MKLN1: variants seen among roughly 807,000 people sequenced by gnomAD.
MKLN1 encodes muskelin.
In MKLN1, 18 loss-of-function variants were observed where a neutral mutation model predicts 99.0. That is an observed-to-expected ratio of 0.18 (90% CI 0.13 to 0.27). The LOEUF (loss-of-function observed/expected upper bound fraction) is 0.27, where lower values mean the gene tolerates loss of function less well. MKLN1 is among the 10% of genes least tolerant of loss of function. MKLN1 has a pLI of 1.00. For synonymous variants in MKLN1, 288 were observed against 293.2 expected (o/e 0.98, Z 0.18); for missense variants, 621 against 875.9 (o/e 0.71, Z 3.67).
chr7:131,178,580 C>T (rs1374790236), intron 2 of MKLN1, among the ~76,000 whole-genome samples: 1 of 152,208 alleles, frequency 6.6e-6, no homozygotes. Context: ...ATCTTTGCCA[C>T]AGTCTGTTCA....
Position 131,388,990 on chromosome 7 carries a change from T to C in MKLN1, c.400+18T>C. The C allele has an allele frequency of 1.9e-6, 3 of 1,540,350 alleles. No homozygotes were observed. The highest frequency in any genetic ancestry group is 2.7e-6 in the Non-Finnish European group (3 of 1,121,888). The stretch of plus-strand genomic sequence containing the variant: ...TAAAATAGGTAAGATTTTAGCATTC[T>C]GAAATAGAAACAAATTCTTGATATC... On this transcript the variant is annotated intron_variant, in intron 4 of 17. Coordinates refer to ENST00000352689, the MANE Select transcript of MKLN1 (RefSeq NM_013255.5).
intron 12 of MKLN1, among the ~76,000 whole-genome samples, chr7:131,457,154 G>A (rs1204786486): frequency 6.6e-6 from 1 of 151,966 alleles, no homozygotes; most frequent in Non-Finnish European, 1.5e-5. Flanking sequence ...GCACGTGCCT[G>A]TAGTCCCAGC....
At chr7:131,248,291 T>G (rs1584866358) in intron 3 of MKLN1, among the ~76,000 whole-genome samples, 1 of 134,516 alleles carries the variant, frequency 7.4e-6, no homozygotes, top group South Asian at 3.0e-4. Context: ...TTGGTATTTG[T>G]TTTTTAATAG....
At chr7:131,346,717 C>T (rs1464161333) in intron 1 of MKLN1, among the ~76,000 whole-genome samples, 2 of 152,168 alleles carry the variant, frequency 1.3e-5, no homozygotes, top group African/African-American at 2.4e-5. Context: ...TTTCGAATTA[C>T]TTGTGAATCT....
At chr7:131,342,285 G>A (rs754521661) in intron 1 of MKLN1, among the ~76,000 whole-genome samples, 1 of 152,046 alleles carries the variant, frequency 6.6e-6, no homozygotes, top group African/African-American at 2.4e-5. Context: ...ATTACTTTGA[G>A]AATTTTCTGT....
At chr7:131,327,123 T>A (rs1798908634), upstream of MKLN1, 1 of 152,238 alleles carries the variant, frequency 6.6e-6, no homozygotes, top group Non-Finnish European at 1.5e-5. Context: ...AACTACTCTC[T>A]CTCTGAACTT....
In MKLN1 at chr7:131,470,909, A is replaced by G. The variant is rs763445625; in HGVS notation, c.1996A>G (p.Thr666Ala). The G allele has an allele frequency of 3.7e-6, 6 of 1,612,656 alleles. No homozygotes were observed. The highest frequency in any genetic ancestry group is 4.2e-6 in the Non-Finnish European group (5 of 1,178,968). ...ATATTTACAAAATGATCTTTATATA[A>G]CTGTGGATCATTCAGACCCAGAAGA... ...LKYLQNDLYI[T>A]VDHSDPEETK... Residue 666 changes from threonine to alanine, a missense_variant, in exon 16 of 18, where the codon ACT (threonine) becomes GCT (alanine). Coordinates refer to ENST00000352689, the MANE Select transcript of MKLN1 (RefSeq NM_013255.5).
At position 131,252,329 on chromosome 7, in the gene MKLN1, C is replaced by CTTTTTTTT. The variant is rs60581249; in HGVS notation, c.-179+49365_-179+49372dup. On this transcript the variant is annotated intron_variant, in intron 3 of 7. Transcript: ENST00000416992. ...CATAGTGAAAGGACTTTTTTCTTTTCTTTTTTTTTTTTTTTTTGAGATGGA... is the reference window on the plus strand; with the variant it reads ...CATAGTGAAAGGACTTTTTTCTTTTCTTTTTTTTTTTTTTTTTTTTTTTTTGAGATGGA... Among the ~76,000 whole-genome samples the CTTTTTTTT allele has an allele frequency of 3.6e-3, 426 of 118,472 alleles. 12 individuals carry two copies. Among genetic ancestry groups the CTTTTTTTT allele is most frequent in the East Asian group, 6.9e-3 (27 of 3,890 alleles). 77.7% of individuals were successfully genotyped at this position (118,472 alleles called of 152,430 possible).
intron 12 of MKLN1, among the ~76,000 whole-genome samples, chr7:131,452,544 CTTTT>C (rs1159344518): frequency 2.8e-5 from 2 of 70,360 alleles, no homozygotes; most frequent in South Asian, 6.0e-4. Flanking sequence ...TCCTTTTATA[CTTTT>C]TTTTTTTTTT....
chr7:131,400,509 TAA>T lies in MKLN1; in HGVS notation c.703+1085_703+1086del, dbSNP rs779312882. ...TTAACAGACTTTAAAATGCTACCAA[TAA>T]AAAAAAAATATATATATATATATAT... On this transcript the variant is annotated intron_variant, in intron 6 of 17. Transcript: ENST00000352689. Among the ~76,000 whole-genome samples the T allele has an allele frequency of 1.9e-3, 253 of 133,140 alleles. 3 individuals are homozygous for T. The highest frequency in any genetic ancestry group is 5.6e-3 in the African/African-American group (193 of 34,534). 87.3% of individuals were successfully genotyped at this position (133,140 alleles called of 152,430 possible). A position where few individuals can be genotyped will look rare whatever the true frequency, so the allele number is the denominator to read the frequency against.
chr7:131,397,409 C>A (rs775778268), intron 5 of MKLN1, 33 bp downstream of exon 5: 2 of 1,115,890 alleles, frequency 1.8e-6, no homozygotes, highest in Non-Finnish European at 2.6e-6. Context: ...GACTTTAATG[C>A]CTATAAAAGG....
chr7:131,487,808 T>TAAAGCTGCAAA lies in MKLN1; in HGVS notation c.*89_*90insAAAAAGCTGCA, dbSNP rs1797324201. Reference sequence around the variant, plus strand: ...GGATTGCAGCTCCACTGACTGACAGTAAAGCTGCAGTGATTGAGGACTGCA... The same window carrying TAAAGCTGCAAA: ...GGATTGCAGCTCCACTGACTGACAGTAAAGCTGCAAAAAAGCTGCAGTGATTGAGGACTGCA... On this transcript the variant is annotated 3_prime_UTR_variant, in exon 18 of 18. Transcript: ENST00000352689. The surrounding 1 kb of genome is among the most constrained non-coding windows in gnomAD (Gnocchi z 4.7). 2 of 1,523,356 alleles carry TAAAGCTGCAAA rather than the reference T, an allele frequency of 1.3e-6. No individual in the cohort carries two copies. Among genetic ancestry groups the TAAAGCTGCAAA allele is most frequent in the Admixed American group, 1.8e-5 (1 of 54,842 alleles). 94.4% of individuals were successfully genotyped at this position (1,523,356 alleles called of 1,614,324 possible). A position where few individuals can be genotyped will look rare whatever the true frequency, so the allele number is the denominator to read the frequency against.
intron 3 of MKLN1, among the ~76,000 whole-genome samples, chr7:131,251,670 CTTTTTTTTT>C (rs71311093): frequency 7.0e-6 from 1 of 143,806 alleles, no homozygotes; most frequent in Non-Finnish European, 1.5e-5. Flanking sequence ...GCAACATTTT[CTTTTTTTTT>C]TTTTTGAGAT....
intron 2 of MKLN1, among the ~76,000 whole-genome samples, chr7:131,195,950 A>G (rs1411463941): frequency 6.6e-6 from 1 of 152,042 alleles, no homozygotes; most frequent in African/African-American, 2.4e-5. Flanking sequence ...CTCCATCTCA[A>G]ACAACAACAA....
intron 2 of MKLN1, among the ~76,000 whole-genome samples, chr7:131,376,287 G>A (rs1311269878): frequency 6.7e-6 from 1 of 149,546 alleles, no homozygotes. Context: ...GCATAAGGAG[G>A]CGAGGCTAGG....
chr7:131,469,129 A>G (rs751008164), intron 15 of MKLN1, among the ~76,000 whole-genome samples: 31 of 152,094 alleles, frequency 2.0e-4, no homozygotes, highest in South Asian at 4.1e-4. Context: ...TGTGGCCTAG[A>G]TAGATAGATA....
At chr7:131,399,886 G>C (rs945014919) in intron 6 of MKLN1, among the ~76,000 whole-genome samples, 4 of 152,142 alleles carry the variant, frequency 2.6e-5, no homozygotes, top group African/African-American at 7.2e-5. Context: ...TATAATTGCT[G>C]ATTTTCTTGT....
chr7:131,449,449 G>A (rs1057270156), intron 12 of MKLN1, among the ~76,000 whole-genome samples: 95 of 152,116 alleles, frequency 6.2e-4, no homozygotes, highest in African/African-American at 2.2e-3. Context: ...TTTCCAAGTG[G>A]TTAATTTTGA....
intron 17 of MKLN1, among the ~76,000 whole-genome samples, chr7:131,482,098 C>A (rs1797140373): frequency 6.6e-6 from 1 of 152,082 alleles, no homozygotes; most frequent in African/African-American, 2.4e-5. Context: ...TATCTTATTT[C>A]TAGAAAGTAT....
Sources: gnomAD v4.1 joint callset for allele counts (sites outside exome capture counted in the v4.1 genomes callset) on GRCh38, gnomAD v4.1.1 for gene constraint, Gnocchi (gnomAD v3.1) non-coding constraint, MANE v1.5 for transcripts, NCBI Gene and HGNC (gene_info 2026-07-23, HGNC 2026-07-21) for gene names.